The following CEP63 variants were observed in gnomAD, a reference collection of about 807,000 sequenced individuals.
CEP63 encodes the protein centrosomal protein of 63 kDa.
CEP63 carries 84 observed loss-of-function variants against 89.1 expected under a neutral mutation model. The ratio of observed to expected loss-of-function variants is 0.94; its 90% CI spans 0.79 to 1.13. The LOEUF (loss-of-function observed/expected upper bound fraction) is 1.13, where lower values mean the gene tolerates loss of function less well. Ranked by LOEUF, CEP63 falls within the 50% of genes most tolerant of loss-of-function variation. The pLI, the probability that CEP63 is intolerant of heterozygous loss-of-function variation, is 0.00. For missense variants in CEP63, 838 were observed against 813.3 expected (o/e 1.03, Z -0.37); for synonymous variants, 267 against 272.5 (o/e 0.98, Z 0.20).
At chr3:134,611,348 C>A in the CEP63 span, among the ~76,000 whole-genome samples, 1 of 152,162 alleles carries the variant, frequency 6.6e-6, no homozygotes, top group Non-Finnish European at 1.5e-5. Flanking sequence ...GCTGTGGGCA[C>A]CAGTCCAAGG....
chr3:134,651,060 G>T, the CEP63 span: 8 of 1,545,208 alleles, frequency 5.2e-6, no homozygotes, highest in East Asian at 1.7e-4. Context: ...GGGAGAGGGC[G>T]AGGGCGCGGA....
chr3:134,516,483 C>T (rs1450385985), intron 3 of CEP63, among the ~76,000 whole-genome samples: 4 of 152,136 alleles, frequency 2.6e-5, no homozygotes, highest in African/African-American at 7.2e-5. Context: ...AGACCCTTTA[C>T]GGGTGTCGGG....
chr3:134,486,630 G>A, intron 1 of CEP63: 5 of 813,754 alleles, frequency 6.1e-6, no homozygotes, highest in Non-Finnish European at 7.4e-6. Context: ...AGAGACCCCA[G>A]TGCGGCCTCC....
At chr3:134,608,217 G>A in the CEP63 span, 1 of 1,186,732 alleles carries the variant, frequency 8.4e-7, no homozygotes, top group Non-Finnish European at 1.1e-6. Context: ...AGTAGCTTCT[G>A]TTGGGGACCT....
intron 2 of CEP63, among the ~76,000 whole-genome samples, chr3:134,502,389 A>G (rs1355516189): frequency 6.6e-6 from 1 of 152,184 alleles, no homozygotes; most frequent in Non-Finnish European, 1.5e-5. Context: ...GAATAGTTTC[A>G]GTAGTGGTAC....
chr3:134,614,513 C>A, the CEP63 span, among the ~76,000 whole-genome samples: 8 of 151,968 alleles, frequency 5.3e-5, no homozygotes, highest in Admixed American at 5.2e-4. Flanking sequence ...ATCAGAGAAG[C>A]CCCAAGGGCT....
the CEP63 span, among the ~76,000 whole-genome samples, chr3:134,745,746 A>G: frequency 7.4e-5 from 11 of 149,654 alleles, no homozygotes; most frequent in Admixed American, 5.3e-4. Context: ...AAGTGTTCTC[A>G]TTGTTCAATT....
chr3:134,770,841 C>T, the CEP63 span, among the ~76,000 whole-genome samples: 7 of 152,270 alleles, frequency 4.6e-5, no homozygotes, highest in East Asian at 3.9e-4. Flanking sequence ...TCTCCTCTTG[C>T]GTCTGTTTTG....
chr3:134,628,126 G>T, the CEP63 span: 1 of 380,932 alleles, frequency 2.6e-6, no homozygotes, highest in Non-Finnish European at 4.8e-6. Flanking sequence ...CCTGGAACCT[G>T]GTGTTCCTGC....
chr3:134,693,644 G>A, the CEP63 span, among the ~76,000 whole-genome samples: 2 of 152,194 alleles, frequency 1.3e-5, no homozygotes, highest in African/African-American at 2.4e-5. Flanking sequence ...AGGCTCAGAT[G>A]TTCCCAGAAG....
the CEP63 span, chr3:134,607,584 G>T: frequency 1.0e-6 from 1 of 985,630 alleles, no homozygotes. Context: ...CAGGCTGTGT[G>T]CCCAGCACTG....
the CEP63 span, among the ~76,000 whole-genome samples, chr3:134,745,930 A>T: frequency 2.3e-4 from 33 of 143,106 alleles, no homozygotes; most frequent in Non-Finnish European, 4.1e-4. Flanking sequence ...TTTTTTTTTT[A>T]TTATACTTTA....
At chr3:134,550,500 C>G (rs1217735813) in intron 11 of CEP63, among the ~76,000 whole-genome samples, 1 of 152,216 alleles carries the variant, frequency 6.6e-6, no homozygotes, top group South Asian at 2.1e-4. Flanking sequence ...TCACAAGCAG[C>G]CTGAATCTAG....
At chr3:134,641,965 G>T in the CEP63 span, among the ~76,000 whole-genome samples, 1 of 152,168 alleles carries the variant, frequency 6.6e-6, no homozygotes, top group Non-Finnish European at 1.5e-5. Context: ...ATGTGCAGTT[G>T]AGTTCATTTT....
the CEP63 span, among the ~76,000 whole-genome samples, chr3:134,627,068 A>C: frequency 6.6e-6 from 1 of 152,254 alleles, no homozygotes; most frequent in Non-Finnish European, 1.5e-5. Flanking sequence ...GGTATTGAAA[A>C]TCCTATTACT....
the CEP63 span, among the ~76,000 whole-genome samples, chr3:134,653,940 C>T: frequency 2.6e-5 from 4 of 152,154 alleles, no homozygotes; most frequent in Non-Finnish European, 4.4e-5. Flanking sequence ...CTCTGTATTC[C>T]GACCTAAATA....
At chr3:134,673,829 T>C in the CEP63 span, among the ~76,000 whole-genome samples, 1 of 152,278 alleles carries the variant, frequency 6.6e-6, no homozygotes, top group Non-Finnish European at 1.5e-5. Flanking sequence ...ACCCCAAATC[T>C]GGGCTCATTG....
chr3:134,631,695 C>A, the CEP63 span, among the ~76,000 whole-genome samples: 4 of 151,516 alleles, frequency 2.6e-5, no homozygotes, highest in Non-Finnish European at 5.9e-5. Context: ...ATAATACATA[C>A]AAAAATAGCT....
the CEP63 span, among the ~76,000 whole-genome samples, chr3:134,740,266 T>TTTTATTTA: frequency 7.3e-3 from 1,035 of 140,908 alleles, 7 homozygotes; most frequent in African/African-American, 0.01. Flanking sequence ...TATTCTTTTC[T>TTTTATTTA]TTTATTTATT....
Sources: gnomAD v4.1 joint callset for allele counts (sites outside exome capture counted in the v4.1 genomes callset) on GRCh38, gnomAD v4.1.1 for gene constraint, MANE v1.5 for transcripts, NCBI Gene and HGNC (gene_info 2026-07-23, HGNC 2026-07-21) for gene names.